The following OR2L2 variants were observed in gnomAD, a reference collection of about 807,000 sequenced individuals.
OR2L2 encodes the protein olfactory receptor 2L2.
For synonymous variants in OR2L2, 156 were observed against 135.4 expected, an observed-to-expected ratio of 1.15 and a Z score of -1.06; for missense variants, 378 against 375.2, an observed-to-expected ratio of 1.01 and a Z score of -0.06.
intron 2 of OR2L2, among the ~76,000 whole-genome samples, chr1:248,037,102 A>C (rs1450346054): frequency 1.3e-5 from 2 of 152,182 alleles, no homozygotes; most frequent in Non-Finnish European, 2.9e-5. Flanking sequence ...AAGAGAATGG[A>C]CATTTGATGG....
intron 1 of OR2L2, 43 bp downstream of exon 1, chr1:248,030,278 C>A (rs1198383713): frequency 6.6e-6 from 1 of 151,980 alleles, no homozygotes; most frequent in Non-Finnish European, 1.5e-5. Flanking sequence ...TTGATCACAG[C>A]GAAGAAGGGA....
intron 1 of OR2L2, among the ~76,000 whole-genome samples, chr1:248,031,302 G>A (rs536686918): frequency 1.3e-5 from 2 of 152,316 alleles, no homozygotes; most frequent in South Asian, 4.1e-4. Flanking sequence ...TAATCAAAGA[G>A]ATGCTACATT....
At chr1:248,038,087 A>T in intron 2 of OR2L2, 160 bp from the exon 3 acceptor site, 3 of 500,460 alleles carry the variant, frequency 6.0e-6, no homozygotes, top group Non-Finnish European at 1.1e-5. Context: ...TGCCTAATTT[A>T]TAAATTAAAG....
chr1:248,034,750 A>G (rs1324123077), intron 1 of OR2L2, among the ~76,000 whole-genome samples: 1 of 152,208 alleles, frequency 6.6e-6, no homozygotes, highest in Non-Finnish European at 1.5e-5. Flanking sequence ...TGTAAATAAA[A>G]TCACAATCTC....
chr1:248,037,810 A>G lies in OR2L2; in HGVS notation c.-21-437A>G, dbSNP rs182273445. Among the ~76,000 whole-genome samples the G allele has an allele frequency of 3.3e-5, 5 of 152,284 alleles. No individual in the cohort carries two copies. In the East Asian group the frequency reaches 7.7e-4, roughly 23 times the overall value. On this transcript the variant is annotated intron_variant, in intron 2 of 2. Transcript: ENST00000641771. ...AAAATATTGCATGGAAAAGTCCACA[A>G]ATGAACACTTCATAAATTTTCAATT...
chr1:248,037,695 T>A (rs1357121579), intron 2 of OR2L2, among the ~76,000 whole-genome samples: 4 of 152,222 alleles, frequency 2.6e-5, no homozygotes, highest in Non-Finnish European at 5.9e-5. Flanking sequence ...TAAGGATTTT[T>A]AAAAACAATT....
chr1:248,035,688 T>A, intron 2 of OR2L2, 64 bp downstream of exon 2: 1 of 152,100 alleles, frequency 6.6e-6, no homozygotes, highest in East Asian at 1.9e-4. Context: ...TCAAACAATA[T>A]GCTTATCTGC....
At chr1:248,031,777 A>C (rs1480597170) in intron 1 of OR2L2, among the ~76,000 whole-genome samples, 1 of 152,196 alleles carries the variant, frequency 6.6e-6, no homozygotes, top group African/African-American at 2.4e-5. Flanking sequence ...TTGCATTCCT[A>C]AACAGTTAAG....
chr1:248,037,213 A>G (rs187158821), intron 2 of OR2L2, among the ~76,000 whole-genome samples: 1 of 152,208 alleles, frequency 6.6e-6, no homozygotes, highest in Non-Finnish European at 1.5e-5. Flanking sequence ...CCAAATAATG[A>G]TGTCTAACTT....
In OR2L2 at chr1:248,038,333, T is replaced by G. The variant is rs1330709500; in HGVS notation, c.66T>G (p.Ile22Met). The G allele has an allele frequency of 2.5e-6, 4 of 1,613,706 alleles. No individual in the cohort carries two copies. In the South Asian group the frequency reaches 4.4e-5, roughly 18 times the overall value. The change falls in exon 3 of 3, where the codon ATT becomes ATG. Residue 22 changes from isoleucine (I) to methionine (M), a missense_variant. Transcript: ENST00000641771. Reference sequence around the variant, plus strand: ...TGGGGCTGTTCCCACAATCAAGAATTGGCCTTTTCGTATTCACCCTCATTT... The same window carrying G: ...TGGGGCTGTTCCCACAATCAAGAATGGGCCTTTTCGTATTCACCCTCATTT... ...ILLGLFPQSRIGLFVFTLIFL... is the reference protein window; with the variant it reads ...ILLGLFPQSRMGLFVFTLIFL...
At position 248,041,889 on chromosome 1, in the gene OR2L2, A is replaced by T. The variant is rs1284229022; in HGVS notation, c.*2683A>T. ...GTGCTGGAGAGGATGTGGAGAAAACACTTTTACACTGTTGTTGGGACTGTA... is the reference window on the plus strand; with the variant it reads ...GTGCTGGAGAGGATGTGGAGAAAACTCTTTTACACTGTTGTTGGGACTGTA... On this transcript the variant is annotated 3_prime_UTR_variant, in exon 3 of 3. Coordinates refer to ENST00000641771, the MANE Select transcript of OR2L2 (RefSeq NM_001385855.1). The T allele has an allele frequency of 6.6e-6, 1 of 151,426 alleles. No homozygotes were observed. Among genetic ancestry groups the T allele is most frequent in the African/African-American group, 2.4e-5 (1 of 41,348 alleles). The allele number at this position is 151,426 out of a possible 1,614,324, so 9.4% of individuals were successfully genotyped here. A position where few individuals can be genotyped will look rare whatever the true frequency, so the allele number is the denominator to read the frequency against.
rs1276317003 is a variant in OR2L2, at chr1:248,038,614, C to A, written c.347C>A (p.Ser116Ter). The A allele has an allele frequency of 6.2e-7, 1 of 1,614,098 alleles. No individual in the cohort carries two copies. Among genetic ancestry groups the A allele is most frequent in the South Asian group, 1.1e-5 (1 of 91,078 alleles). ...LAVAEGLLLT[S>*]MAYDRYVAIC... Reference sequence around the variant, plus strand: ...GTTGCAGAAGGGCTGCTCCTGACATCAATGGCCTATGATCGTTATGTGGCC... The same window carrying A: ...GTTGCAGAAGGGCTGCTCCTGACATAAATGGCCTATGATCGTTATGTGGCC... Residue 116 changes from serine to a stop codon, truncating the protein, a stop_gained, in exon 3 of 3, where the codon TCA (serine) becomes TAA (stop). Transcript: ENST00000641771. LOFTEE classifies it low-confidence loss of function (END_TRUNC).
At chr1:248,033,415 GTT>G (rs1662672260) in intron 1 of OR2L2, among the ~76,000 whole-genome samples, 2 of 151,770 alleles carry the variant, frequency 1.3e-5, no homozygotes, top group Admixed American at 1.3e-4. Context: ...TCTTGACTCT[GTT>G]TTCTATTTCT....
At chr1:248,033,862 T>C (rs1316510468) in intron 1 of OR2L2, among the ~76,000 whole-genome samples, 1 of 152,132 alleles carries the variant, frequency 6.6e-6, no homozygotes, top group Non-Finnish European at 1.5e-5. Flanking sequence ...TTCAACATAG[T>C]ATTGGAAGTC....
Position 248,041,567 on chromosome 1 carries a change from C to T in OR2L2, c.*2361C>T, listed in dbSNP as rs888485839. 2.0e-5 allele frequency: 3 copies of T among 152,116 alleles called. No individual in the cohort carries two copies. The highest frequency in any genetic ancestry group is 2.9e-5 in the Non-Finnish European group (2 of 68,016). The allele number at this position is 152,116 out of a possible 1,614,324, so 9.4% of individuals were successfully genotyped here. A position where few individuals can be genotyped will look rare whatever the true frequency, so the allele number is the denominator to read the frequency against. ...CAAAAGAAACTACCATCAGAGTGAA[C>T]AGGCAACCTACAGAATGGGAGAAAA... On this transcript the variant is annotated 3_prime_UTR_variant, in exon 3 of 3. Transcript: ENST00000641771.
chr1:248,033,761 T>A (rs1662683174), intron 1 of OR2L2, among the ~76,000 whole-genome samples: 1 of 152,068 alleles, frequency 6.6e-6, no homozygotes, highest in East Asian at 1.9e-4. Context: ...CTTCTATTGT[T>A]ATACATGTCT....
Position 248,040,806 on chromosome 1 carries a change from G to A in OR2L2, c.*1600G>A, listed in dbSNP as rs983801012. The stretch of plus-strand genomic sequence containing the variant: ...CATATTCTACTGCTTGGCGGTCAGT[G>A]ACCCTAATTTCCGCGTTGTCCTAGA... On this transcript the variant is annotated 3_prime_UTR_variant, in exon 3 of 3. Transcript: ENST00000641771. 2.6e-5 allele frequency: 4 copies of A among 152,146 alleles called. No homozygotes were observed. Among genetic ancestry groups the A allele is most frequent in the Non-Finnish European group, 5.9e-5 (4 of 68,020 alleles). The allele number at this position is 152,146 out of a possible 1,614,324, so 9.4% of individuals were successfully genotyped here.
intron 2 of OR2L2, 133 bp from the exon 3 acceptor site, chr1:248,038,114 A>G: frequency 1.8e-6 from 1 of 562,420 alleles, no homozygotes; most frequent in South Asian, 2.7e-5. Context: ...ATATGCATTT[A>G]TGGATATAAA....
rs867056211 is a variant in OR2L2 at position 248,038,300 on chromosome 1, C to A, written c.33C>A (p.Phe11Leu). Residue 11 changes from phenylalanine to leucine, a missense_variant, in exon 3 of 3, where the codon TTC becomes TTA. Physicochemically the swap from Phe to Leu is conservative, Grantham distance 22. Coordinates refer to ENST00000641771, the MANE Select transcript of OR2L2 (RefSeq NM_001385855.1). MENYNQTSTD[F>L]ILLGLFPQSR... is the part of the protein sequence containing the mutation. ...ATTACAATCAAACATCAACTGATTT[C>A]ATCTTATTGGGGCTGTTCCCACAAT... 1.9e-6 allele frequency: 3 copies of A among 1,612,242 alleles called. No homozygotes were observed. In the South Asian group the frequency reaches 3.3e-5, roughly 18 times the overall value.
Sources: gnomAD v4.1 joint callset for allele counts (sites outside exome capture counted in the v4.1 genomes callset) on GRCh38, gnomAD v4.1.1 for gene constraint, MANE v1.5 for transcripts, NCBI Gene and HGNC (gene_info 2026-07-23, HGNC 2026-07-21) for gene names.